The following OXTR variants were observed in gnomAD, a reference collection of about 807,000 sequenced individuals.
OXTR encodes oxytocin receptor.
A neutral mutation model predicts 23.9 loss-of-function variants in OXTR; 19 were observed. The ratio of observed to expected loss-of-function variants is 0.80; its 90% CI spans 0.56 to 1.17. The LOEUF (loss-of-function observed/expected upper bound fraction) is 1.17, where lower values mean the gene tolerates loss of function less well. OXTR is among the 50% of genes most tolerant of loss of function. The pLI, the probability that OXTR is intolerant of heterozygous loss-of-function variation, is 0.00. For missense variants in OXTR, 500 were observed against 550.7 expected (o/e 0.91, Z 0.92); for synonymous variants, 278 against 250.5 (o/e 1.11, Z -1.04).
At chr3:8,745,984 C>A (rs1575478301), downstream of OXTR, 4 of 764,184 alleles carry the variant, frequency 5.2e-6, no homozygotes, top group East Asian at 8.0e-5. This position sits in a 1 kb window ranked among gnomAD's most constrained non-coding sequence, Gnocchi z 4.8. Flanking sequence ...TGCTCCATAC[C>A]CCATGATGGA....
intron 3 of OXTR, among the ~76,000 whole-genome samples, chr3:8,757,244 A>C (rs1708392267): frequency 6.6e-6 from 1 of 151,248 alleles, no homozygotes; most frequent in Admixed American, 6.6e-5. Context: ...GGGCTTTGTG[A>C]CTGGCAAAGT....
Position 8,767,296 on chromosome 3 carries a change from T to C in OXTR, c.892A>G (p.Ser298Gly). Reference sequence around the variant, plus strand: ...TTGGGCGCGTTGGCATCCCAGACGCTCCACATCTGCACGAAGAAGAAAGGC... The same window carrying C: ...TTGGGCGCGTTGGCATCCCAGACGCCCCACATCTGCACGAAGAAGAAAGGC... Reference protein sequence around the residue: ...WTPFFFVQMWSVWDANAPKEA... With the variant: ...WTPFFFVQMWGVWDANAPKEA... Residue 298 changes from serine to glycine, a missense_variant, in exon 3 of 4, where the codon AGC becomes GGC. Ser to Gly is a moderately conservative substitution (Grantham distance 56). Coordinates refer to ENST00000316793, the MANE Select transcript of OXTR (RefSeq NM_000916.4). The C allele has an allele frequency of 6.3e-7, 1 of 1,582,036 alleles. No individual in the cohort carries two copies. The highest frequency in any genetic ancestry group is 8.6e-7 in the Non-Finnish European group (1 of 1,165,684).
chr3:8,757,842 T>C (rs1399717279), intron 3 of OXTR, among the ~76,000 whole-genome samples: 5 of 152,218 alleles, frequency 3.3e-5, no homozygotes, highest in Admixed American at 2.6e-4. Flanking sequence ...CCTTTCATTC[T>C]GCCTCCCCTC....
At chr3:8,753,853 G>T (rs1034250139) in intron 3 of OXTR, among the ~76,000 whole-genome samples, 4 of 152,176 alleles carry the variant, frequency 2.6e-5, no homozygotes, top group Non-Finnish European at 4.4e-5. Flanking sequence ...CAGACATCTT[G>T]TGGTTTAGGT....
intron 3 of OXTR, among the ~76,000 whole-genome samples, chr3:8,758,511 G>A (rs936557352): frequency 1.3e-5 from 2 of 152,208 alleles, no homozygotes; most frequent in Admixed American, 6.5e-5. Flanking sequence ...ACAGGACTGT[G>A]CGGGCATCTG....
the OXTR span, among the ~76,000 whole-genome samples, chr3:8,741,990 A>C: frequency 6.6e-6 from 1 of 152,152 alleles, no homozygotes; most frequent in African/African-American, 2.4e-5. Flanking sequence ...AACTGCACAC[A>C]GTGTCCTGAG....
At chr3:8,763,549 C>A (rs1331194410) in intron 3 of OXTR, among the ~76,000 whole-genome samples, 2 of 152,214 alleles carry the variant, frequency 1.3e-5, no homozygotes, top group African/African-American at 4.8e-5. Flanking sequence ...GCCCCAGGGT[C>A]AGAGCCCCTG....
At chr3:8,763,446 C>T (rs1036358942) in intron 3 of OXTR, among the ~76,000 whole-genome samples, 1 of 152,120 alleles carries the variant, frequency 6.6e-6, no homozygotes, top group African/African-American at 2.4e-5. Flanking sequence ...AAATCCTGTC[C>T]ACCGCACCCA....
Position 8,752,803 on chromosome 3 carries a change from C to T in OXTR, c.*174G>A. ...GGGTGTTGTCTGATGGCTGAGTCCC[C>T]TATCATCTTCCATCATGGAGGCCAC... On this transcript the variant is annotated 3_prime_UTR_variant, in exon 4 of 4. Transcript: ENST00000316793. 1.5e-6 allele frequency: 1 copy of T among 653,610 alleles called. No individual in the cohort carries two copies. The highest frequency in any genetic ancestry group is 2.6e-6 in the Non-Finnish European group (1 of 388,394). The allele number at this position is 653,610 out of a possible 1,614,324, so 40.5% of individuals were successfully genotyped here.
downstream of OXTR, among the ~76,000 whole-genome samples, chr3:8,746,936 C>G (rs1708183179): frequency 6.6e-6 from 1 of 152,102 alleles, no homozygotes; most frequent in Admixed American, 6.6e-5. Context: ...TTCAGAAATG[C>G]TGTATATTTC....
chr3:8,743,606 G>T, the OXTR span, among the ~76,000 whole-genome samples: 1 of 152,186 alleles, frequency 6.6e-6, no homozygotes, highest in Admixed American at 6.5e-5. Flanking sequence ...CTGCAGCCCA[G>T]AGTCTCACCC....
In OXTR at chr3:8,752,153, G is replaced by C. The variant is rs1708275513; in HGVS notation, c.*824C>G. The C allele has an allele frequency of 6.6e-6, 1 of 151,970 alleles. No individual in the cohort carries two copies. Among genetic ancestry groups the C allele is most frequent in the African/African-American group, 2.4e-5 (1 of 41,352 alleles). The allele number at this position is 151,970 out of a possible 1,614,324, so 9.4% of individuals were successfully genotyped here. On this transcript the variant is annotated 3_prime_UTR_variant, in exon 4 of 4. Transcript: ENST00000316793. Reference sequence around the variant, plus strand: ...TTCGTTTTCATATTGTTTGTTGCTAGTATAAAGAAATACAATTCATTTTTG... The same window carrying C: ...TTCGTTTTCATATTGTTTGTTGCTACTATAAAGAAATACAATTCATTTTTG...
intron 3 of OXTR, among the ~76,000 whole-genome samples, chr3:8,764,264 A>G (rs237893): frequency 0.38 from 57,939 of 152,048 alleles, 11,577 homozygotes; most frequent in Non-Finnish European, 0.45. Flanking sequence ...ATAAAGCAGG[A>G]ACAGACCCAT....
At chr3:8,766,549 T>G (rs1708611866) in intron 3 of OXTR, among the ~76,000 whole-genome samples, 1 of 151,632 alleles carries the variant, frequency 6.6e-6, no homozygotes, top group African/African-American at 2.4e-5. Context: ...TTCCTCCAAG[T>G]GGAAGTGAAG....
downstream of OXTR, chr3:8,745,886 C>T (rs369648984): frequency 1.6e-5 from 25 of 1,598,090 alleles, no homozygotes; most frequent in South Asian, 4.4e-5. The surrounding 1 kb of genome is among the most constrained non-coding windows in gnomAD (Gnocchi z 4.8). Context: ...GGGGCAACAG[C>T]GGTGGCAGGG....
intron 3 of OXTR, among the ~76,000 whole-genome samples, chr3:8,753,848 A>G (rs1034347327): frequency 2.0e-5 from 3 of 152,198 alleles, no homozygotes; most frequent in African/African-American, 7.2e-5. Context: ...CGATGCAGAC[A>G]TCTTGTGGTT....
At chr3:8,755,598 G>A (rs1315301906) in intron 3 of OXTR, among the ~76,000 whole-genome samples, 1 of 152,214 alleles carries the variant, frequency 6.6e-6, no homozygotes, top group Non-Finnish European at 1.5e-5. Context: ...GTCTGGGTGG[G>A]AGAAGTCTGG....
chr3:8,758,249 ACT>A (rs541865684), intron 3 of OXTR, among the ~76,000 whole-genome samples: 6 of 151,756 alleles, frequency 4.0e-5, no homozygotes, highest in African/African-American at 1.5e-4. Flanking sequence ...ATTTCCCGGC[ACT>A]CTCTCCACCC....
chr3:8,761,281 G>A (rs746300454), intron 3 of OXTR, among the ~76,000 whole-genome samples: 31 of 152,234 alleles, frequency 2.0e-4, no homozygotes, highest in Non-Finnish European at 3.2e-4. Context: ...GCATGGCACT[G>A]AACCCAGAAT....
Sources: gnomAD v4.1 joint callset for allele counts (sites outside exome capture counted in the v4.1 genomes callset) on GRCh38, gnomAD v4.1.1 for gene constraint, Gnocchi (gnomAD v3.1) non-coding constraint, MANE v1.5 for transcripts, NCBI Gene and HGNC (gene_info 2026-07-23, HGNC 2026-07-21) for gene names.